The following TTBK2 variants were observed in gnomAD, a reference collection of about 807,000 sequenced individuals.
TTBK2 encodes tau-tubulin kinase 2.
Under a neutral mutation model 110.8 loss-of-function variants are expected in TTBK2, and 28 were observed. The ratio of observed to expected loss-of-function variants is 0.25; its 90% CI spans 0.19 to 0.35. The LOEUF (loss-of-function observed/expected upper bound fraction) is 0.35. Among genes scored for constraint, TTBK2 ranks in the 10% least tolerant of loss-of-function variants. The pLI is 1.00. For missense variants in TTBK2, 1,369 were observed against 1,500.3 expected (o/e 0.91, Z 1.45); for synonymous variants, 532 against 527.3 (o/e 1.01, Z -0.12).
In TTBK2 at chr15:42,752,936, A is replaced by C. The variant is rs546749426; in HGVS notation, c.2310T>G (p.Phe770Leu). The change falls in exon 14 of 15, where the codon TTT becomes TTG. Residue 770 changes from phenylalanine to leucine, a missense_variant. Transcript: ENST00000267890. ...PDHNRLVVRE[F>L]ENLPGETEEK... ...CTTCAGTTTCCCCAGGGAGATTTTC[A>C]AATTCTCTCACAACCAGTCTATTAT... 9.3e-6 allele frequency: 15 copies of C among 1,614,214 alleles called. No individual in the cohort carries two copies. The African/African-American group carries it at 1.9e-4, about 20-fold the overall frequency.
intron 13 of TTBK2, among the ~76,000 whole-genome samples, chr15:42,770,376 A>G (rs767120220): frequency 6.6e-6 from 1 of 152,156 alleles, no homozygotes; most frequent in African/African-American, 2.4e-5. Context: ...CAGTGAGGTG[A>G]CTAACTGGGC....
At chr15:42,750,631 G>T (rs2061852641) in intron 14 of TTBK2, among the ~76,000 whole-genome samples, 1 of 151,804 alleles carries the variant, frequency 6.6e-6, no homozygotes, top group African/African-American at 2.4e-5. Context: ...CCATCAAGCA[G>T]ACTTGCATGC....
intron 3 of TTBK2, among the ~76,000 whole-genome samples, chr15:42,845,105 A>C (rs576171688): frequency 6.6e-6 from 1 of 152,356 alleles, no homozygotes; most frequent in Non-Finnish European, 1.5e-5. Flanking sequence ...TAGATTTTAC[A>C]AGTTTTTGAG....
chr15:42,797,058 T>A (rs1368605130), intron 9 of TTBK2, among the ~76,000 whole-genome samples: 1 of 152,216 alleles, frequency 6.6e-6, no homozygotes, highest in Non-Finnish European at 1.5e-5. Context: ...GAAATAAAGA[T>A]GGACTGGAAC....
intron 2 of TTBK2, among the ~76,000 whole-genome samples, chr15:42,875,544 G>A (rs776503987): frequency 6.6e-6 from 1 of 151,964 alleles, no homozygotes; most frequent in Non-Finnish European, 1.5e-5. Context: ...TGCCAGCTCT[G>A]AGGATTGCCC....
chr15:42,911,695 A>C (rs1039140512), intron 1 of TTBK2, among the ~76,000 whole-genome samples: 17 of 152,218 alleles, frequency 1.1e-4, no homozygotes, highest in African/African-American at 3.6e-4. Context: ...TAAACTGCCA[A>C]CCCACAGAAC....
chr15:42,751,860 A>C, intron 14 of TTBK2, 114 bp downstream of exon 14: 1 of 1,331,760 alleles, frequency 7.5e-7, no homozygotes, highest in African/African-American at 1.4e-5. Flanking sequence ...GAAAGGCAGG[A>C]AAGAAAGATA....
At chr15:42,873,460 C>A (rs1025818487) in intron 2 of TTBK2, among the ~76,000 whole-genome samples, 4 of 151,712 alleles carry the variant, frequency 2.6e-5, no homozygotes, top group African/African-American at 9.7e-5. Flanking sequence ...AAAAACACTA[C>A]AAAATCACCC....
At chr15:42,867,897 C>G (rs1218917958) in intron 3 of TTBK2, among the ~76,000 whole-genome samples, 1 of 152,134 alleles carries the variant, frequency 6.6e-6, no homozygotes, top group Non-Finnish European at 1.5e-5. Flanking sequence ...CAAGATATCC[C>G]TCAGTAGGTG....
At chr15:42,762,662 A>G (rs2062046790) in intron 13 of TTBK2, among the ~76,000 whole-genome samples, 1 of 152,160 alleles carries the variant, frequency 6.6e-6, no homozygotes, top group South Asian at 2.1e-4. Flanking sequence ...GGCTGCACTG[A>G]GCCAAGATCA....
chr15:42,833,506 C>T (rs1892859547), intron 4 of TTBK2, among the ~76,000 whole-genome samples: 5 of 152,092 alleles, frequency 3.3e-5, no homozygotes, highest in Admixed American at 2.6e-4. Flanking sequence ...CCATCCATAT[C>T]CTCTCCCCTC....
chr15:42,807,298 G>A (rs1287157098), intron 9 of TTBK2, among the ~76,000 whole-genome samples: 1 of 152,128 alleles, frequency 6.6e-6, no homozygotes, highest in Non-Finnish European at 1.5e-5. Context: ...CTCACCAACG[G>A]TGTGTATATT....
rs921088650 is a variant in TTBK2 at position 42,869,666 on chromosome 15, G to A, written c.217+2945C>T. 4.6e-5 allele frequency among the ~76,000 whole-genome samples: 7 copies of A among 151,994 alleles called. No homozygotes were observed. In the East Asian group the frequency reaches 1.3e-3, roughly 29 times the overall value. On this transcript the variant is annotated intron_variant, in intron 3 of 14. Transcript: ENST00000267890. ...TAGTAGAGCTGCAAATGGAGAGGGC[G>A]AAGAGACACACATAAATGTTTATTC...
At chr15:42,851,295 G>A (rs1893701598) in intron 3 of TTBK2, among the ~76,000 whole-genome samples, 1 of 151,376 alleles carries the variant, frequency 6.6e-6, no homozygotes, top group Non-Finnish European at 1.5e-5. Context: ...AGTTCAGGAT[G>A]ACCAGCACTC....
intron 3 of TTBK2, among the ~76,000 whole-genome samples, chr15:42,847,305 G>A (rs1893509501): frequency 6.6e-6 from 1 of 152,166 alleles, no homozygotes; most frequent in African/African-American, 2.4e-5. Context: ...AGTTTTCAGA[G>A]TGCTTTATAT....
chr15:42,824,926 C>G (rs1194628585), intron 6 of TTBK2, among the ~76,000 whole-genome samples: 1 of 151,552 alleles, frequency 6.6e-6, no homozygotes. Flanking sequence ...GGGGAAAAAG[C>G]AAATAATAAT....
In TTBK2 at chr15:42,800,019, G is replaced by T. The variant is rs147832870; in HGVS notation, c.823-5218C>A. Among the ~76,000 whole-genome samples, 21 of 152,028 alleles carry T rather than the reference G, an allele frequency of 1.4e-4. No individual in the cohort carries two copies. In the East Asian group the frequency reaches 4.1e-3, roughly 29 times the overall value. On this transcript the variant is annotated intron_variant, in intron 9 of 14. Coordinates refer to ENST00000267890, the MANE Select transcript of TTBK2 (RefSeq NM_173500.4). ...AGGCTGAGGTGGGAGGATTACTTGAGCCCGAGGAGGCAGGGTTTGCAGTGA... is the reference window on the plus strand; with the variant it reads ...AGGCTGAGGTGGGAGGATTACTTGATCCCGAGGAGGCAGGGTTTGCAGTGA...
intron 1 of TTBK2, among the ~76,000 whole-genome samples, chr15:42,910,456 A>G (rs2141209914): frequency 6.6e-6 from 1 of 152,342 alleles, no homozygotes; most frequent in East Asian, 1.9e-4. Flanking sequence ...CCTACCATTG[A>G]ACCTTTCACT....
intron 3 of TTBK2, among the ~76,000 whole-genome samples, chr15:42,843,673 C>T (rs945313905): frequency 3.4e-5 from 5 of 149,098 alleles, no homozygotes; most frequent in East Asian, 2.0e-4. Context: ...GCAGAAGAAT[C>T]GCTTGAACCC....
Sources: allele counts gnomAD v4.1 joint callset (sites outside exome capture counted in the v4.1 genomes callset), GRCh38; gene constraint gnomAD v4.1.1; transcripts MANE v1.5; gene names NCBI Gene and HGNC (gene_info 2026-07-23, HGNC 2026-07-21).